The following GLYATL1 variants were observed in gnomAD, a reference collection of about 807,000 sequenced individuals.
GLYATL1 encodes the protein glycine N-acyltransferase-like protein 1.
Under a neutral mutation model 20.0 loss-of-function variants are expected in GLYATL1, and 15 were observed. The observed-to-expected ratio is 0.75, with a 90% confidence interval of 0.50 to 1.15. The LOEUF (loss-of-function observed/expected upper bound fraction) is 1.15, where lower values mean the gene tolerates loss of function less well. Ranked by LOEUF, GLYATL1 falls within the 50% of genes most tolerant of loss-of-function variation. The pLI is 0.00. For missense variants in GLYATL1, 380 were observed against 368.5 expected (o/e 1.03, Z -0.26); for synonymous variants, 151 against 131.5 (o/e 1.15, Z -1.01).
At chr11:58,915,277 T>C (rs1042453494) in intron 1 of GLYATL1, among the ~76,000 whole-genome samples, 3 of 152,184 alleles carry the variant, frequency 2.0e-5, no homozygotes, top group African/African-American at 7.2e-5. Flanking sequence ...CTAGACAGTC[T>C]CCTCCTGGTG....
At chr11:58,933,975 T>C (rs1285609336) in intron 1 of GLYATL1, 1 of 152,486 alleles carries the variant, frequency 6.6e-6, no homozygotes, top group Non-Finnish European at 1.5e-5. Context: ...AGCCAATTTC[T>C]ATAAGGGCAG....
intron 4 of GLYATL1, among the ~76,000 whole-genome samples, chr11:58,950,081 A>C (rs1026324676): frequency 7.3e-6 from 1 of 137,030 alleles, no homozygotes; most frequent in African/African-American, 2.8e-5. Flanking sequence ...GGAGATCGAG[A>C]CCACGGTGAA....
chr11:58,929,878 C>T (rs1339898176), intron 1 of GLYATL1, among the ~76,000 whole-genome samples: 2 of 152,228 alleles, frequency 1.3e-5, no homozygotes, highest in Non-Finnish European at 2.9e-5. Flanking sequence ...TCACCTGCAT[C>T]ATGGCCTAGA....
In GLYATL1 at chr11:58,945,816, G is replaced by C. The variant is rs1030652821; in HGVS notation, c.-42-1230G>C. The stretch of plus-strand genomic sequence containing the variant: ...AGAGATCCAGTTTTATTTACTAAAA[G>C]TTCCTTGGGTATTCAAACATTCTGA... On this transcript the variant is annotated intron_variant, in intron 2 of 6. Transcript: ENST00000532726. 3.3e-5 allele frequency among the ~76,000 whole-genome samples: 5 copies of C among 152,138 alleles called. 1 individual carries two copies. Among genetic ancestry groups the C allele is most frequent in the African/African-American group, 1.2e-4 (5 of 41,436 alleles).
chr11:58,912,640 G>T (rs1164875510), downstream of GLYATL1, among the ~76,000 whole-genome samples: 1 of 152,196 alleles, frequency 6.6e-6, no homozygotes, highest in African/African-American at 2.4e-5. Flanking sequence ...CAGTCTGCCA[G>T]GTACTTTATT....
chr11:58,954,930 G>A (rs1228771598), intron 5 of GLYATL1, 34 bp downstream of exon 5: 1 of 1,592,158 alleles, frequency 6.3e-7, no homozygotes, highest in South Asian at 1.2e-5. Context: ...AAGCAGCTGT[G>A]CTTCTCAAAT....
chr11:58,949,180 T>A (rs1856794950), intron 4 of GLYATL1, among the ~76,000 whole-genome samples: 1 of 152,230 alleles, frequency 6.6e-6, no homozygotes. Context: ...TTCATACACA[T>A]CTGGTTAGTA....
intron 2 of GLYATL1, among the ~76,000 whole-genome samples, chr11:58,945,185 G>T (rs1856478489): frequency 1.3e-5 from 2 of 151,960 alleles, no homozygotes. Context: ...CAATACCGCT[G>T]CATTGTACGC....
chr11:58,926,292 C>T (rs1452487404), upstream of GLYATL1, among the ~76,000 whole-genome samples: 1 of 152,130 alleles, frequency 6.6e-6, no homozygotes, highest in Non-Finnish European at 1.5e-5. Context: ...GATTGGGTGG[C>T]TAGGCCTAGC....
chr11:58,954,522 C>G (rs376550082), intron 4 of GLYATL1, among the ~76,000 whole-genome samples: 17 of 152,182 alleles, frequency 1.1e-4, no homozygotes, highest in African/African-American at 4.1e-4. Context: ...TGTCTTAGTT[C>G]TGCATGTGAT....
chr11:58,946,497 G>T (rs917554225), intron 2 of GLYATL1, among the ~76,000 whole-genome samples: 2 of 152,204 alleles, frequency 1.3e-5, no homozygotes, highest in African/African-American at 4.8e-5. Flanking sequence ...AAAGTTTACA[G>T]ATATGTGTTA....
At chr11:58,946,072 T>C (rs1401578828) in intron 2 of GLYATL1, among the ~76,000 whole-genome samples, 2 of 152,254 alleles carry the variant, frequency 1.3e-5, no homozygotes, top group Admixed American at 1.3e-4. Context: ...CGTGGGTTCC[T>C]TCTCTTACAT....
At chr11:58,933,437 A>G (rs528252760) in intron 1 of GLYATL1, among the ~76,000 whole-genome samples, 1 of 152,244 alleles carries the variant, frequency 6.6e-6, no homozygotes, top group Admixed American at 6.5e-5. Flanking sequence ...CTATTTATAT[A>G]GATTAGATCC....
At position 58,943,610 on chromosome 11, in the gene GLYATL1, G is replaced by A. The variant is rs775072712; in HGVS notation, c.-99G>A. The stretch of plus-strand genomic sequence containing the variant: ...CCAGGAGCGCGAAGTGAACACGGAA[G>A]GTACCTGCAGGATCCAATTGTGTCC... On this transcript the variant is annotated 5_prime_UTR_variant, in exon 2 of 7. Transcript: ENST00000532726. The A allele has an allele frequency of 6.2e-7, 1 of 1,613,690 alleles. No homozygotes were observed. Among genetic ancestry groups the A allele is most frequent in the Non-Finnish European group, 8.5e-7 (1 of 1,179,654 alleles).
At chr11:58,908,161 A>G in exon 2 of GLYATL1, 1 of 152,174 alleles carries the variant, frequency 6.6e-6, no homozygotes, top group South Asian at 2.1e-4. Context: ...TTGGCCTCCC[A>G]CAACTCCCAG....
At chr11:58,925,518 AGTCT>A (rs1359953203), upstream of GLYATL1, among the ~76,000 whole-genome samples, 1 of 151,696 alleles carries the variant, frequency 6.6e-6, no homozygotes, top group Non-Finnish European at 1.5e-5. Flanking sequence ...TTCTTTCCTT[AGTCT>A]TTCTTTTTGT....
chr11:58,942,101 C>T (rs912651804), intron 1 of GLYATL1, among the ~76,000 whole-genome samples: 1 of 152,172 alleles, frequency 6.6e-6, no homozygotes, highest in African/African-American at 2.4e-5. Context: ...TTGTGTCAGT[C>T]ATCCTTGCTC....
downstream of GLYATL1, among the ~76,000 whole-genome samples, chr11:58,911,056 T>C (rs1256593407): frequency 6.6e-6 from 1 of 152,226 alleles, no homozygotes; most frequent in Admixed American, 6.5e-5. Context: ...CAGAACATCA[T>C]GTAAATGGAA....
chr11:58,936,548 A>G (rs917754257), upstream of GLYATL1, among the ~76,000 whole-genome samples: 1 of 152,242 alleles, frequency 6.6e-6, no homozygotes, highest in Admixed American at 6.5e-5. Context: ...TCTTAACCAC[A>G]GTTTTGGGAC....
Sources: allele counts gnomAD v4.1 joint callset (sites outside exome capture counted in the v4.1 genomes callset), GRCh38; gene constraint gnomAD v4.1.1; transcripts MANE v1.5; gene names NCBI Gene and HGNC (gene_info 2026-07-23, HGNC 2026-07-21).